Variants in HTR2C observed in about 807,000 individuals in gnomAD.
The protein encoded by HTR2C is 5-hydroxytryptamine (serotonin) receptor 2C, G protein-coupled.
Under a neutral mutation model 21.0 loss-of-function variants are expected in HTR2C, and 5 were observed. The ratio of observed to expected loss-of-function variants is 0.24; its 90% CI spans 0.12 to 0.50. The LOEUF is 0.50. Among genes scored for constraint, HTR2C ranks in the 20% least tolerant of loss-of-function variants. The probability of loss-of-function intolerance (pLI) is 0.98; values close to 1 mark genes in which losing one functional copy is unlikely to be tolerated. For missense variants in HTR2C, 271 were observed against 371.2 expected, an observed-to-expected ratio of 0.73 and a Z score of 2.22; for synonymous variants, 150 against 145.3, an observed-to-expected ratio of 1.03 and a Z score of -0.23.
intron 2 of HTR2C, among the ~76,000 whole-genome samples, chrX:114,677,675 A>G (rs1556412970): frequency 8.9e-6 from 1 of 111,894 alleles, no homozygotes; most frequent in African/African-American, 3.2e-5. Flanking sequence ...CCTCATTAAC[A>G]ATAGATCACA....
chrX:114,585,470 G>A (rs1401994748), intron 1 of HTR2C, among the ~76,000 whole-genome samples: 1 of 111,698 alleles, frequency 9.0e-6, no homozygotes, highest in Non-Finnish European at 1.9e-5. Context: ...CCTGTACTCA[G>A]TTTTACCTGA....
At chrX:114,648,103 T>G (rs1479760552) in intron 2 of HTR2C, among the ~76,000 whole-genome samples, 1 of 111,818 alleles carries the variant, frequency 8.9e-6, no homozygotes, top group Non-Finnish European at 1.9e-5. Context: ...CAAAAGTGGA[T>G]AGTAGTGGAG....
intron 4 of HTR2C, among the ~76,000 whole-genome samples, chrX:114,750,967 T>C (rs1313281135): frequency 8.9e-6 from 1 of 111,905 alleles, no homozygotes; most frequent in Non-Finnish European, 1.9e-5. Flanking sequence ...TGGGTAAAGA[T>C]AGTTCAGGAA....
At chrX:114,701,396 C>T (rs1158153160) in intron 2 of HTR2C, among the ~76,000 whole-genome samples, 9 of 111,148 alleles carry the variant, frequency 8.1e-5, no homozygotes, top group East Asian at 2.9e-4. Context: ...GCAGCATTCA[C>T]GGTTCACAAA....
intron 2 of HTR2C, among the ~76,000 whole-genome samples, chrX:114,677,856 C>G (rs1194499976): frequency 9.0e-6 from 1 of 111,249 alleles, no homozygotes; most frequent in African/African-American, 3.3e-5. Context: ...ATTACTGTGT[C>G]CATTTTTAAT....
intron 2 of HTR2C, among the ~76,000 whole-genome samples, chrX:114,645,170 C>A (rs782555681): frequency 2.7e-5 from 3 of 109,993 alleles, no homozygotes; most frequent in African/African-American, 9.9e-5. Flanking sequence ...TATAAAGCCA[C>A]TTAGCTACAA....
chrX:114,672,033 T>G (rs1228454801), intron 2 of HTR2C, among the ~76,000 whole-genome samples: 1 of 111,520 alleles, frequency 9.0e-6, no homozygotes, highest in Non-Finnish European at 1.9e-5. Flanking sequence ...CTATTTATAT[T>G]AATATGTATC....
intron 1 of HTR2C, among the ~76,000 whole-genome samples, chrX:114,598,558 C>A (rs1927957265): frequency 1.8e-5 from 2 of 111,323 alleles, no homozygotes; most frequent in African/African-American, 6.5e-5. Context: ...TACTTGCTAT[C>A]AGCAAGCCCT....
At chrX:114,896,808 G>A (rs782246940) in intron 5 of HTR2C, among the ~76,000 whole-genome samples, 152 of 111,374 alleles carry the variant, frequency 1.4e-3, no homozygotes, top group African/African-American at 4.7e-3. Flanking sequence ...TCTCTGCCTC[G>A]TAACTAAACG....
rs782814432 is a variant in HTR2C at position 114,905,170 on chromosome X, A to G, written c.551-1419A>G. Among the ~76,000 whole-genome samples, 7 of 110,969 alleles carry G rather than the reference A, an allele frequency of 6.3e-5. No homozygotes were observed. In the South Asian group the frequency reaches 1.5e-3, roughly 24 times the overall value. On this transcript the variant is annotated intron_variant, in intron 5 of 5. Coordinates refer to ENST00000276198, the MANE Select transcript of HTR2C (RefSeq NM_000868.4). ...GAATGGTGTGCCTAGGTTCAGAGCT[A>G]TAGGTAGGCATGGACCAATACCCAG...
chrX:114,755,321 A>T (rs1213486501), intron 4 of HTR2C, among the ~76,000 whole-genome samples: 1 of 110,859 alleles, frequency 9.0e-6, no homozygotes, highest in African/African-American at 3.3e-5. Flanking sequence ...TATTAAACTG[A>T]AATCAACTTG....
intron 3 of HTR2C, 40 bp downstream of exon 3, chrX:114,727,011 C>G (rs782620926): frequency 3.6e-6 from 3 of 842,885 alleles, no homozygotes. Flanking sequence ...AAAAAGATAA[C>G]TTTGCTTGGT....
intron 5 of HTR2C, among the ~76,000 whole-genome samples, chrX:114,862,250 A>G (rs1229166873): frequency 1.8e-5 from 2 of 110,605 alleles, no homozygotes; most frequent in East Asian, 2.8e-4. Flanking sequence ...TCCTTTTCCT[A>G]TTGGGCTTTA....
intron 2 of HTR2C, among the ~76,000 whole-genome samples, chrX:114,704,254 C>CA (rs1420534922): frequency 5.4e-5 from 6 of 111,019 alleles, no homozygotes; most frequent in African/African-American, 2.0e-4. Context: ...GAGACACAAC[C>CA]AAAAAAGAGA....
intron 4 of HTR2C, chrX:114,775,020 C>T (rs1184830700): frequency 2.3e-5 from 11 of 480,898 alleles, no homozygotes; most frequent in Non-Finnish European, 3.8e-5. Flanking sequence ...CAGCCTGATT[C>T]TTATCCAGCC....
In HTR2C at chrX:114,708,245, G is replaced by A. The variant is rs183651523; in HGVS notation, c.-79-18613G>A. Among the ~76,000 whole-genome samples the A allele has an allele frequency of 2.7e-3, 300 of 111,200 alleles. 1 individual carries two copies. Among genetic ancestry groups the A allele is most frequent in the African/African-American group, 9.2e-3 (282 of 30,612 alleles). On this transcript the variant is annotated intron_variant, in intron 2 of 5. Coordinates refer to ENST00000276198, the MANE Select transcript of HTR2C (RefSeq NM_000868.4). ...TTGCTAATCATTTAGATTTTTAAGA[G>A]CAATTTCACATACTATCAAATTTTT...
At chrX:114,757,324 C>T (rs1340152639) in intron 4 of HTR2C, among the ~76,000 whole-genome samples, 2 of 111,482 alleles carry the variant, frequency 1.8e-5, no homozygotes, top group East Asian at 5.6e-4. Flanking sequence ...ACCACCAACT[C>T]CAAATTTATA....
intron 4 of HTR2C, among the ~76,000 whole-genome samples, chrX:114,834,022 T>G (rs1556462474): frequency 9.0e-6 from 1 of 110,945 alleles, no homozygotes; most frequent in African/African-American, 3.3e-5. Flanking sequence ...TGAGTGAGAT[T>G]CTTAATCCTG....
intron 1 of HTR2C, among the ~76,000 whole-genome samples, chrX:114,593,307 G>T (rs1268577721): frequency 9.0e-6 from 1 of 111,481 alleles, no homozygotes; most frequent in Non-Finnish European, 1.9e-5. Context: ...TGTTGCCAAA[G>T]CTGACCTTGA....
Sources: allele counts gnomAD v4.1 joint callset (sites outside exome capture counted in the v4.1 genomes callset), GRCh38; gene constraint gnomAD v4.1.1; transcripts MANE v1.5; gene names NCBI Gene and HGNC (gene_info 2026-07-23, HGNC 2026-07-21).